Variants in DPY19L3 observed in about 807,000 individuals in gnomAD.
DPY19L3 encodes the protein dpy-19 like C-mannosyltransferase 3, also known as protein C-mannosyl-transferase DPY19L3.
DPY19L3 carries 51 observed loss-of-function variants against 92.3 expected under a neutral mutation model. The ratio of observed to expected loss-of-function variants is 0.55; its 90% CI spans 0.44 to 0.70. DPY19L3 has a LOEUF of 0.70. Ranked by LOEUF, DPY19L3 falls within the 30% of genes least tolerant of loss-of-function variation. The probability of loss-of-function intolerance (pLI) is 0.00; values close to 1 mark genes in which losing one functional copy is unlikely to be tolerated. For synonymous variants in DPY19L3, 309 were observed against 315.2 expected (o/e 0.98, Z 0.21); for missense variants, 706 against 855.9 (o/e 0.82, Z 2.18).
chr19:32,481,891 C>A, intron 18 of DPY19L3, 188 bp from the exon 19 acceptor site: 1 of 625,556 alleles, frequency 1.6e-6, no homozygotes, highest in Non-Finnish European at 2.7e-6. Context: ...CCTTCTCAGC[C>A]TTGGTCTGCA....
intron 16 of DPY19L3, among the ~76,000 whole-genome samples, chr19:32,470,210 A>T (rs1970315427): frequency 6.6e-6 from 1 of 152,254 alleles, no homozygotes; most frequent in Non-Finnish European, 1.5e-5. Context: ...TTAATTTTAA[A>T]TCATGCCAGA....
intron 8 of DPY19L3, among the ~76,000 whole-genome samples, chr19:32,451,427 A>G (rs1969695905): frequency 6.6e-6 from 1 of 152,136 alleles, no homozygotes; most frequent in South Asian, 2.1e-4. Flanking sequence ...CATTATCTTT[A>G]TGATCCTAAA....
At chr19:32,435,405 A>G (rs919059411) in intron 4 of DPY19L3, among the ~76,000 whole-genome samples, 20 of 152,210 alleles carry the variant, frequency 1.3e-4, no homozygotes, top group African/African-American at 4.6e-4. Flanking sequence ...TGCTGGTACA[A>G]ATGGTGCTGC....
At chr19:32,434,802 C>T (rs896083044) in intron 4 of DPY19L3, among the ~76,000 whole-genome samples, 2 of 152,234 alleles carry the variant, frequency 1.3e-5, no homozygotes, top group Admixed American at 1.3e-4. Flanking sequence ...GGCTCTCTTC[C>T]TGGCTTGCAG....
intron 8 of DPY19L3, among the ~76,000 whole-genome samples, chr19:32,445,461 A>AAAAAAAAAAAAAAAAAAAT (rs1969466800): frequency 6.7e-6 from 1 of 149,008 alleles, no homozygotes. Flanking sequence ...AAAAAAAAAA[A>AAAAAAAAAAAAAAAAAAAT]CCATCAACCT....
chr19:32,436,031 C>T (rs1007122446), intron 4 of DPY19L3, among the ~76,000 whole-genome samples: 1 of 152,272 alleles, frequency 6.6e-6, no homozygotes, highest in Non-Finnish European at 1.5e-5. Context: ...CTTACATCCA[C>T]TTACATGCCA....
intron 3 of DPY19L3, among the ~76,000 whole-genome samples, chr19:32,431,449 TG>T (rs1968965551): frequency 6.6e-6 from 1 of 152,220 alleles, no homozygotes; most frequent in African/African-American, 2.4e-5. Context: ...TGTTTTGTTT[TG>T]TTTTTAACAC....
At chr19:32,430,154 C>T (rs948927541) in intron 3 of DPY19L3, among the ~76,000 whole-genome samples, 8 of 152,082 alleles carry the variant, frequency 5.3e-5, no homozygotes. Flanking sequence ...TTTGGGAGGC[C>T]ACGGCAGGAG....
At chr19:32,416,558 A>C (rs1185547024) in intron 3 of DPY19L3, among the ~76,000 whole-genome samples, 5 of 152,266 alleles carry the variant, frequency 3.3e-5, no homozygotes, top group African/African-American at 1.2e-4. Flanking sequence ...TCACTAGAAC[A>C]ACTGACAGAA....
In DPY19L3 at chr19:32,482,415, G is replaced by C; in HGVS notation, c.*175G>C. On this transcript the variant is annotated 3_prime_UTR_variant, in exon 19 of 19. Transcript: ENST00000392250. Reference sequence around the variant, plus strand: ...TCTTTGAAAGCATCTTCTACAAGCAGAAGTCTTTTTCGTTGTGTGTCTATC... The same window carrying C: ...TCTTTGAAAGCATCTTCTACAAGCACAAGTCTTTTTCGTTGTGTGTCTATC... 1.4e-6 allele frequency: 1 copy of C among 690,410 alleles called. No individual in the cohort carries two copies. The highest frequency in any genetic ancestry group is 2.3e-6 in the Non-Finnish European group (1 of 429,762). 42.8% of individuals were successfully genotyped at this position (690,410 alleles called of 1,614,324 possible).
At chr19:32,442,736 A>G (rs1371263797) in intron 8 of DPY19L3, among the ~76,000 whole-genome samples, 1 of 152,214 alleles carries the variant, frequency 6.6e-6, no homozygotes, top group East Asian at 1.9e-4. Flanking sequence ...AACAAGACAG[A>G]AAACTTTCAA....
intron 3 of DPY19L3, among the ~76,000 whole-genome samples, chr19:32,424,010 C>T (rs1198311051): frequency 2.7e-5 from 4 of 147,576 alleles, no homozygotes; most frequent in Admixed American, 6.8e-5. Context: ...GAGACCATCT[C>T]GAAAAAAAAA....
At chr19:32,481,325 T>G (rs934311516) in intron 18 of DPY19L3, 1 of 152,294 alleles carries the variant, frequency 6.6e-6, no homozygotes, top group East Asian at 1.9e-4. Flanking sequence ...AGAATCATAG[T>G]TCATAACTGT....
intron 14 of DPY19L3, 82 bp from the exon 15 acceptor site, chr19:32,464,646 A>C: frequency 1.2e-6 from 1 of 836,026 alleles, no homozygotes. Flanking sequence ...AGGCCAGCCT[A>C]GGCAAACATA....
intron 15 of DPY19L3, among the ~76,000 whole-genome samples, chr19:32,465,011 C>G (rs1227728328): frequency 6.6e-6 from 1 of 152,090 alleles, no homozygotes; most frequent in East Asian, 1.9e-4. Context: ...TTTAATAATT[C>G]TAATTAATTT....
rs1267500530 is a variant in DPY19L3, at chr19:32,408,209, C to T, written c.-37-8C>T. On this transcript the variant is annotated splice_polypyrimidine_tract_variant and splice_region_variant and intron_variant, in intron 1 of 18. Coordinates refer to ENST00000392250, the MANE Select transcript of DPY19L3 (RefSeq NM_001172774.2). ...ACTGACGTTGATGGCCTGTTTATTGCTATCTAGGAGTGATTTGGAGAACAA... is the reference window on the plus strand; with the variant it reads ...ACTGACGTTGATGGCCTGTTTATTGTTATCTAGGAGTGATTTGGAGAACAA... 1 of 1,412,966 alleles carries T rather than the reference C, an allele frequency of 7.1e-7. No homozygotes were observed. Among genetic ancestry groups the T allele is most frequent in the Non-Finnish European group, 9.9e-7 (1 of 1,006,526 alleles). 87.5% of individuals were successfully genotyped at this position (1,412,966 alleles called of 1,614,324 possible). A position where few individuals can be genotyped will look rare whatever the true frequency, so the allele number is the denominator to read the frequency against.
Position 32,463,953 on chromosome 19 carries a change from G to A in DPY19L3, c.1530G>A (p.Lys510=), listed in dbSNP as rs768238671. Residue 510 remains lysine, a synonymous_variant, in exon 14 of 19, where the codon AAG becomes AAA. Transcript: ENST00000392250. ...CSPEIWELLL[K]SVHLYNPKRI... is the part of the protein sequence containing the mutation. ...CTGAAATATGGGAGTTACTTCTGAA[G>A]TCAGTCCATCTTTATAACCCAAAGA... is the stretch of plus-strand genomic sequence containing the variant. 7.4e-5 allele frequency: 120 copies of A among 1,612,914 alleles called. No homozygotes were observed. Among genetic ancestry groups the A allele is most frequent in the Non-Finnish European group, 1.0e-4 (118 of 1,179,262 alleles).
At chr19:32,480,706 A>G in intron 18 of DPY19L3, 149 bp downstream of exon 18, 2 of 1,124,676 alleles carry the variant, frequency 1.8e-6, no homozygotes, top group Non-Finnish European at 2.5e-6. Context: ...TTCCTACAGA[A>G]GCCCTCTCTT....
chr19:32,449,862 T>G (rs928513678), intron 8 of DPY19L3, among the ~76,000 whole-genome samples: 1 of 152,126 alleles, frequency 6.6e-6, no homozygotes. Context: ...AGCACAAACC[T>G]TAGATACAAT....
Sources: gnomAD v4.1 joint callset for allele counts (sites outside exome capture counted in the v4.1 genomes callset) on GRCh38, gnomAD v4.1.1 for gene constraint, MANE v1.5 for transcripts, NCBI Gene and HGNC (gene_info 2026-07-23, HGNC 2026-07-21) for gene names.